Variants in PLCB4 observed in about 807,000 individuals in gnomAD.
PLCB4 encodes 1-phosphatidylinositol 4,5-bisphosphate phosphodiesterase beta-4.
PLCB4 carries 77 observed loss-of-function variants against 178.8 expected under a neutral mutation model. The ratio of observed to expected loss-of-function variants is 0.43; its 90% CI spans 0.36 to 0.52. The LOEUF (loss-of-function observed/expected upper bound fraction) is 0.52. Among genes scored for constraint, PLCB4 ranks in the 20% least tolerant of loss-of-function variants. The probability of loss-of-function intolerance (pLI) is 0.00; values close to 1 mark genes in which losing one functional copy is unlikely to be tolerated. For synonymous variants in PLCB4, 496 were observed against 490.8 expected, an observed-to-expected ratio of 1.01 and a Z score of -0.14; for missense variants, 1,024 against 1,453.4, an observed-to-expected ratio of 0.70 and a Z score of 4.80.
intron 2 of PLCB4, among the ~76,000 whole-genome samples, chr20:9,175,347 C>T (rs2093136575): frequency 6.6e-6 from 1 of 152,178 alleles, no homozygotes; most frequent in Non-Finnish European, 1.5e-5. Context: ...ATTTGTTTAG[C>T]TTCCAGGGAT....
chr20:9,151,447 T>C (rs531338278), intron 2 of PLCB4, among the ~76,000 whole-genome samples: 47 of 152,170 alleles, frequency 3.1e-4, no homozygotes, highest in Middle Eastern at 3.4e-3. Context: ...GGGGAGGTAA[T>C]TAAATCATGG....
intron 3 of PLCB4, among the ~76,000 whole-genome samples, chr20:9,248,297 G>A (rs189006502): frequency 2.4e-4 from 36 of 152,036 alleles, no homozygotes; most frequent in African/African-American, 8.4e-4. Flanking sequence ...TTTTTTATGT[G>A]GTTGATCTTT....
At chr20:9,317,393 A>G (rs6056534) in intron 4 of PLCB4, among the ~76,000 whole-genome samples, 53,569 of 151,998 alleles carry the variant, frequency 0.35, 13,569 homozygotes, top group African/African-American at 0.72. Context: ...TTTGTGGGGT[A>G]GGGCAGGGGC....
At position 9,258,714 on chromosome 20, in the gene PLCB4, CAAAAAAA is replaced by C. The variant is rs969525907; in HGVS notation, c.-16+41278_-16+41284del. Among the ~76,000 whole-genome samples, 3 of 62,780 alleles carry C rather than the reference CAAAAAAA, an allele frequency of 4.8e-5. No homozygotes were observed. In the Admixed American group the frequency reaches 5.2e-4, roughly 11 times the overall value. 41.2% of individuals were successfully genotyped at this position (62,780 alleles called of 152,430 possible). A position where few individuals can be genotyped will look rare whatever the true frequency, so the allele number is the denominator to read the frequency against. On this transcript the variant is annotated intron_variant, in intron 3 of 39. Transcript: ENST00000378473. ...TGGGTGACAGAGCTAGACTTCCTCT[CAAAAAAA>C]AAAAAAAAAAAAAAAGATAATTTCT...
At chr20:9,262,849 A>G (rs1040298994) in intron 3 of PLCB4, among the ~76,000 whole-genome samples, 2 of 152,186 alleles carry the variant, frequency 1.3e-5, no homozygotes, top group Non-Finnish European at 2.9e-5. Flanking sequence ...TTAAGTGAGA[A>G]AAAGGGGAAC....
chr20:9,226,473 G>C (rs959266752), intron 3 of PLCB4, among the ~76,000 whole-genome samples: 1 of 152,202 alleles, frequency 6.6e-6, no homozygotes, highest in Non-Finnish European at 1.5e-5. Flanking sequence ...ATACATCACA[G>C]TGTGGTGGGA....
intron 4 of PLCB4, among the ~76,000 whole-genome samples, chr20:9,314,084 C>T (rs969023747): frequency 6.4e-4 from 97 of 152,248 alleles, no homozygotes; most frequent in Admixed American, 5.6e-3. Context: ...AGTATGACAG[C>T]ACATTCTATT....
intron 2 of PLCB4, among the ~76,000 whole-genome samples, chr20:9,125,228 T>G (rs1234892982): frequency 2.0e-5 from 3 of 152,330 alleles, no homozygotes; most frequent in African/African-American, 7.2e-5. Flanking sequence ...TTGTTCTACC[T>G]GTGAAACTGT....
At chr20:9,089,924 G>C (rs1023630008) in intron 1 of PLCB4, among the ~76,000 whole-genome samples, 1 of 152,154 alleles carries the variant, frequency 6.6e-6, no homozygotes, top group African/African-American at 2.4e-5. Flanking sequence ...ATGCAAGGGA[G>C]ATGCTTTTGT....
intron 11 of PLCB4, among the ~76,000 whole-genome samples, chr20:9,372,615 C>CT (rs940792107): frequency 3.9e-5 from 6 of 151,968 alleles, no homozygotes; most frequent in South Asian, 2.1e-4. Context: ...GCACCTGGAA[C>CT]TTTTTTTTGC....
Position 9,356,117 on chromosome 20 carries a change from A to G in PLCB4, c.370-6779A>G, listed in dbSNP as rs563142149. Reference sequence around the variant, plus strand: ...CTTCTTTTGAGAAGTGTTTGTTCATATCCTTTGCCCACTTTTTGATGGGGT... The same window carrying G: ...CTTCTTTTGAGAAGTGTTTGTTCATGTCCTTTGCCCACTTTTTGATGGGGT... On this transcript the variant is annotated intron_variant, in intron 7 of 39. Coordinates refer to ENST00000378473, the MANE Select transcript of PLCB4 (RefSeq NM_001377142.1). 2.0e-5 allele frequency among the ~76,000 whole-genome samples: 3 copies of G among 152,244 alleles called. No homozygotes were observed. In the East Asian group the frequency reaches 5.8e-4, roughly 29 times the overall value.
At chr20:9,385,920 T>C (rs1478518525) in intron 14 of PLCB4, among the ~76,000 whole-genome samples, 1 of 151,960 alleles carries the variant, frequency 6.6e-6, no homozygotes, top group African/African-American at 2.4e-5. Flanking sequence ...AAGGTGGAGG[T>C]TGTGGCGAGC....
chr20:9,434,073 C>T (rs964286685), intron 28 of PLCB4, among the ~76,000 whole-genome samples: 2 of 152,112 alleles, frequency 1.3e-5, no homozygotes, highest in Non-Finnish European at 2.9e-5. Context: ...AAGCTGTCTA[C>T]CAATAGGAAC....
At chr20:9,089,485 C>T (rs916615228) in intron 1 of PLCB4, among the ~76,000 whole-genome samples, 6 of 151,978 alleles carry the variant, frequency 3.9e-5, no homozygotes, top group Admixed American at 3.3e-4. Context: ...CACCAGATTG[C>T]TTTTTGTTTA....
chr20:9,127,760 C>T (rs1429536324), intron 2 of PLCB4, among the ~76,000 whole-genome samples: 1 of 152,132 alleles, frequency 6.6e-6, no homozygotes, highest in Admixed American at 6.5e-5. Context: ...TCTTGGCTCA[C>T]TGCAACTGCC....
At chr20:9,083,820 A>G (rs2090277385) in intron 1 of PLCB4, among the ~76,000 whole-genome samples, 1 of 152,190 alleles carries the variant, frequency 6.6e-6, no homozygotes, top group African/African-American at 2.4e-5. Flanking sequence ...CGTCAAGCCA[A>G]AGAGAGAGGT....
chr20:9,307,509 ACACACACACAC>A, intron 3 of PLCB4, among the ~76,000 whole-genome samples: 1 of 83,726 alleles, frequency 1.2e-5, no homozygotes, highest in Non-Finnish European at 3.6e-5. Context: ...ACACACACAC[ACACACACACAC>A]ACACACACAC....
intron 4 of PLCB4, among the ~76,000 whole-genome samples, chr20:9,319,503 T>C (rs981304342): frequency 6.6e-6 from 1 of 152,126 alleles, no homozygotes; most frequent in African/African-American, 2.4e-5. Flanking sequence ...AGAAATCTTA[T>C]ATCGTCTGTC....
chr20:9,142,888 G>A (rs1236049214), intron 2 of PLCB4, among the ~76,000 whole-genome samples: 8 of 152,146 alleles, frequency 5.3e-5, no homozygotes, highest in African/African-American at 1.7e-4. Flanking sequence ...GGCCCCAAGG[G>A]CCTGGCACGA....
Sources: gnomAD v4.1 joint callset for allele counts (sites outside exome capture counted in the v4.1 genomes callset) on GRCh38, gnomAD v4.1.1 for gene constraint, MANE v1.5 for transcripts, NCBI Gene and HGNC (gene_info 2026-07-23, HGNC 2026-07-21) for gene names.